Variants in TCF12 observed in about 807,000 individuals in gnomAD.
TCF12 encodes the protein DNA-binding protein HTF4.
In TCF12, 45 loss-of-function variants were observed where a neutral mutation model predicts 86.0. The observed-to-expected ratio is 0.52, with a 90% confidence interval of 0.41 to 0.67. The LOEUF (loss-of-function observed/expected upper bound fraction) is 0.67. Ranked by LOEUF, TCF12 falls within the 30% of genes least tolerant of loss-of-function variation. The pLI, the probability that TCF12 is intolerant of heterozygous loss-of-function variation, is 0.00. For missense variants in TCF12, 881 were observed against 859.9 expected (o/e 1.02, Z -0.31); for synonymous variants, 330 against 299.6 (o/e 1.10, Z -1.05).
chr15:57,198,804 G>A (rs541260985), intron 8 of TCF12, among the ~76,000 whole-genome samples: 2 of 152,242 alleles, frequency 1.3e-5, no homozygotes, highest in South Asian at 2.1e-4. Context: ...TCAGCTCATC[G>A]AAGTATAGAC....
intron 3 of TCF12, among the ~76,000 whole-genome samples, chr15:56,934,335 C>A (rs189689934): frequency 1.3e-5 from 2 of 152,116 alleles, no homozygotes; most frequent in South Asian, 2.1e-4. Context: ...AAAGAGTTAA[C>A]GTTTTAAAGA....
At position 57,231,240 on chromosome 15, in the gene TCF12, G is replaced by A. The variant is rs2151918099; in HGVS notation, c.668G>A (p.Ser223Asn). 3.7e-6 allele frequency: 6 copies of A among 1,612,120 alleles called. No individual in the cohort carries two copies. The highest frequency in any genetic ancestry group is 5.1e-6 in the Non-Finnish European group (6 of 1,178,428). Residue 223 changes from serine to asparagine, a missense_variant, in exon 9 of 21, where the codon AGC becomes AAC. Physicochemically the swap from Ser to Asn is conservative, Grantham distance 46. Around this residue, in one of 3 missense-constraint regions of TCF12, gnomAD observed 766 missense variants for 718.9 expected, o/e 1.07. Coordinates refer to ENST00000333725, the MANE Select transcript of TCF12 (RefSeq NM_207037.2). The stretch of plus-strand genomic sequence containing the variant: ...AAGCCACCAACCAGTATGTTCGCTA[G>A]CACTTTCTTTATGCAAGGTAAGTAC... ...SPKPPTSMFA[S>N]TFFMQDGTHN... is the part of the protein sequence containing the mutation.
intron 3 of TCF12, among the ~76,000 whole-genome samples, chr15:57,046,606 T>C (rs118009245): frequency 0.068 from 10,383 of 152,000 alleles, 505 homozygotes; most frequent in Non-Finnish European, 0.1. Flanking sequence ...TCACACCCAC[T>C]TAATTTTTGT....
intron 8 of TCF12, among the ~76,000 whole-genome samples, chr15:57,213,809 G>A (rs1441647387): frequency 6.6e-6 from 1 of 152,212 alleles, no homozygotes; most frequent in Non-Finnish European, 1.5e-5. Flanking sequence ...TTGAATGATA[G>A]CTTTGTTTGC....
intron 5 of TCF12, among the ~76,000 whole-genome samples, chr15:57,153,244 C>T (rs1009034736): frequency 1.2e-4 from 19 of 152,264 alleles, no homozygotes; most frequent in East Asian, 1.2e-3. Context: ...ACCAAGACTC[C>T]GCAAACTTTT....
chr15:57,115,316 G>A (rs759643639), intron 5 of TCF12, among the ~76,000 whole-genome samples: 46 of 152,138 alleles, frequency 3.0e-4, no homozygotes, highest in Non-Finnish European at 6.0e-4. Flanking sequence ...GTGTATTTTA[G>A]TCCTGATGTT....
At chr15:57,021,125 G>A (rs960586705) in intron 3 of TCF12, among the ~76,000 whole-genome samples, 2 of 152,058 alleles carry the variant, frequency 1.3e-5, no homozygotes, top group African/African-American at 2.4e-5. Flanking sequence ...TTATGAACAC[G>A]CTTACAGAAA....
intron 5 of TCF12, among the ~76,000 whole-genome samples, chr15:57,157,442 A>G (rs1306029577): frequency 1.3e-5 from 2 of 152,234 alleles, no homozygotes; most frequent in African/African-American, 4.8e-5. Context: ...GCAACAGTGC[A>G]ATACAGATGT....
chr15:57,054,365 C>T (rs564942170), intron 3 of TCF12, among the ~76,000 whole-genome samples: 1 of 152,168 alleles, frequency 6.6e-6, no homozygotes, highest in African/African-American at 2.4e-5. Context: ...GACTTATGAT[C>T]CTAATGGGTA....
chr15:57,006,156 A>C (rs759059509), intron 3 of TCF12, among the ~76,000 whole-genome samples: 1 of 152,210 alleles, frequency 6.6e-6, no homozygotes, highest in African/African-American at 2.4e-5. Flanking sequence ...TTTTTATTTC[A>C]GTATATTATC....
intron 3 of TCF12, among the ~76,000 whole-genome samples, chr15:57,061,372 C>T (rs574385282): frequency 7.9e-5 from 12 of 152,128 alleles, no homozygotes; most frequent in Non-Finnish European, 1.2e-4. Context: ...GAGGGAGAAT[C>T]GCTGGAGGCC....
intron 5 of TCF12, among the ~76,000 whole-genome samples, chr15:57,112,239 G>C (rs1004248155): frequency 6.6e-6 from 1 of 152,168 alleles, no homozygotes; most frequent in African/African-American, 2.4e-5. Flanking sequence ...GGCGGGAATA[G>C]CCCTGTGACC....
chr15:57,194,699 C>T (rs1400446058), intron 7 of TCF12, among the ~76,000 whole-genome samples: 1 of 152,148 alleles, frequency 6.6e-6, no homozygotes, highest in African/African-American at 2.4e-5. Context: ...AAAATTTGTT[C>T]AGTCTCATAC....
At chr15:57,239,280 A>AGC (rs2059506631) in intron 12 of TCF12, among the ~76,000 whole-genome samples, 1 of 152,038 alleles carries the variant, frequency 6.6e-6, no homozygotes, top group Non-Finnish European at 1.5e-5. Context: ...GAACCCAGGA[A>AGC]GCAGAGGTTG....
At chr15:56,959,487 A>G (rs1402658445) in intron 3 of TCF12, among the ~76,000 whole-genome samples, 9 of 152,246 alleles carry the variant, frequency 5.9e-5, no homozygotes, top group African/African-American at 2.2e-4. Flanking sequence ...GGAGAGAACA[A>G]AGTTTCTCTT....
intron 4 of TCF12, 37 bp from the exon 5 acceptor site, chr15:57,091,749 AAAT>A (rs776828732): frequency 6.6e-7 from 1 of 1,514,754 alleles, no homozygotes; most frequent in Non-Finnish European, 9.2e-7. Context: ...CGGGACTGCC[AAAT>A]AATCTCTTTA....
chr15:57,073,540 ATCT>A (rs1367111320), intron 4 of TCF12, among the ~76,000 whole-genome samples: 8 of 152,328 alleles, frequency 5.3e-5, no homozygotes, highest in African/African-American at 1.7e-4. Flanking sequence ...CATTTTTAAA[ATCT>A]TCTCCATTTT....
At chr15:57,200,932 A>G (rs2057512813) in intron 8 of TCF12, among the ~76,000 whole-genome samples, 1 of 152,212 alleles carries the variant, frequency 6.6e-6, no homozygotes, top group Non-Finnish European at 1.5e-5. Flanking sequence ...TTGGCTGTAT[A>G]GCCTTAGATT....
rs761941902 is a variant in TCF12, at chr15:57,243,928, G to A, written c.1114+378G>A. On this transcript the variant is annotated intron_variant, in intron 13 of 20. Transcript: ENST00000333725. Reference sequence around the variant, plus strand: ...GGGTCTTACTCTGTTGCCCTGGCTGGAGTATAGTGGTATGGTCTTGGCCCA... The same window carrying A: ...GGGTCTTACTCTGTTGCCCTGGCTGAAGTATAGTGGTATGGTCTTGGCCCA... 7.9e-5 allele frequency among the ~76,000 whole-genome samples: 12 copies of A among 152,230 alleles called. No homozygotes were observed. The South Asian group carries it at 1.7e-3, about 21-fold the overall frequency.
Sources: gnomAD v4.1 joint callset for allele counts (sites outside exome capture counted in the v4.1 genomes callset) on GRCh38, gnomAD v4.1.1 for gene constraint, gnomAD v4.1.1 regional missense constraint, MANE v1.5 for transcripts, NCBI Gene and HGNC (gene_info 2026-07-23, HGNC 2026-07-21) for gene names.